The following AACS variants were observed in gnomAD, a reference collection of about 807,000 sequenced individuals.
AACS encodes acetoacetyl-CoA synthetase.
In AACS, 69 loss-of-function variants were observed where a neutral mutation model predicts 83.1. The ratio of observed to expected loss-of-function variants is 0.83; its 90% CI spans 0.68 to 1.01. The LOEUF (loss-of-function observed/expected upper bound fraction) is 1.01, where lower values mean the gene tolerates loss of function less well. Among genes scored for constraint, AACS ranks in the 50% least tolerant of loss-of-function variants. AACS has a pLI of 0.00. For missense variants in AACS, 866 were observed against 882.2 expected (o/e 0.98, Z 0.23); for synonymous variants, 333 against 343.4 (o/e 0.97, Z 0.33).
chr12:125,105,964 C>G (rs1315859859), intron 7 of AACS, among the ~76,000 whole-genome samples: 3 of 152,198 alleles, frequency 2.0e-5, no homozygotes, highest in Non-Finnish European at 4.4e-5. Context: ...TCCTGACATG[C>G]TGGAGCAGAC....
intron 3 of AACS, among the ~76,000 whole-genome samples, chr12:125,082,751 G>T (rs1956225083): frequency 6.6e-6 from 1 of 152,078 alleles, no homozygotes; most frequent in African/African-American, 2.4e-5. Context: ...AACCTGGGAG[G>T]CGGAGGTTGC....
In AACS at chr12:125,084,575, T is replaced by TA. The variant is rs1473440166; in HGVS notation, c.359-1752dup. ...TACACCACCACGCCTGGCTAGTTTTTAAATTTTTTTTTTTTTTTTCCAAGA... is the reference window on the plus strand; with the variant it reads ...TACACCACCACGCCTGGCTAGTTTTTAAAATTTTTTTTTTTTTTTTCCAAGA... On this transcript the variant is annotated intron_variant, in intron 3 of 17. Coordinates refer to ENST00000316519, the MANE Select transcript of AACS (RefSeq NM_023928.5). Among the ~76,000 whole-genome samples the TA allele has an allele frequency of 2.2e-5, 3 of 133,662 alleles. No individual in the cohort carries two copies. In the South Asian group the frequency reaches 7.5e-4, roughly 33 times the overall value. The allele number at this position is 133,662 out of a possible 152,430, so 87.7% of individuals were successfully genotyped here.
chr12:125,102,869 T>TC (rs1956745113), intron 6 of AACS, 76 bp downstream of exon 6: 1 of 1,463,616 alleles, frequency 6.8e-7, no homozygotes, highest in South Asian at 1.2e-5. Context: ...CAGGAGTCAA[T>TC]CTGGGTAGTC....
rs1957298729 is a variant in AACS, at chr12:125,129,506, C to T, written c.1549+46C>T. 2 of 1,597,064 alleles carry T rather than the reference C, an allele frequency of 1.3e-6. No individual in the cohort carries two copies. Among genetic ancestry groups the T allele is most frequent in the African/African-American group, 1.3e-5 (1 of 74,570 alleles). ...CAGAGCTGGCCAGCCTCTGCCTTGG[C>T]TGGGCCTTCTGTGTCTAATTCTGTA... On this transcript the variant is annotated intron_variant, in intron 14 of 17. Coordinates refer to ENST00000316519, the MANE Select transcript of AACS (RefSeq NM_023928.5). This position sits in a 1 kb window ranked among gnomAD's most constrained non-coding sequence, Gnocchi z 4.3.
chr12:125,124,296 A>AAATAAT (rs919548084), intron 10 of AACS: 2 of 165,638 alleles, frequency 1.2e-5, no homozygotes, highest in Non-Finnish European at 2.6e-5. Context: ...ACCCTGTCTA[A>AAATAAT]AATAATAATA....
Position 125,129,400 on chromosome 12 carries a change from C to T in AACS, c.1489C>T (p.His497Tyr), listed in dbSNP as rs775257310. The change falls in exon 14 of 18, where the codon CAC becomes TAC. Residue 497 changes from histidine to tyrosine, a missense_variant. Physicochemically the swap from His to Tyr is moderately conservative, Grantham distance 83 (BLOSUM62 2). Coordinates refer to ENST00000316519, the MANE Select transcript of AACS (RefSeq NM_023928.5). The surrounding 1 kb of genome is among the most constrained non-coding windows in gnomAD (Gnocchi z 4.3). ...CTKPIPCQPT[H>Y]FWNDENGNKY... is the part of the protein sequence containing the mutation. The stretch of plus-strand genomic sequence containing the variant: ...TAAGCCGATCCCTTGCCAGCCCACA[C>T]ACTTCTGGAACGATGAGAACGGCAA... The T allele has an allele frequency of 6.2e-7, 1 of 1,614,088 alleles. No individual in the cohort carries two copies. The highest frequency in any genetic ancestry group is 1.7e-5 in the Admixed American group (1 of 60,016).
At chr12:125,133,442 C>G (rs1258521805) in intron 14 of AACS, among the ~76,000 whole-genome samples, 1 of 152,234 alleles carries the variant, frequency 6.6e-6, no homozygotes, top group African/African-American at 2.4e-5. Flanking sequence ...TGGCTCTTTC[C>G]TCTTCCCCGT....
intron 12 of AACS, chr12:125,127,264 AAGG>A (rs1306417367): frequency 1.3e-5 from 2 of 152,200 alleles, no homozygotes; most frequent in African/African-American, 4.8e-5. Context: ...GAGCAGCAGG[AAGG>A]AGGTCAGGAG....
intron 4 of AACS, among the ~76,000 whole-genome samples, chr12:125,090,116 C>T (rs1235645685): frequency 2.6e-5 from 2 of 76,832 alleles, no homozygotes; most frequent in Non-Finnish European, 5.2e-5. Context: ...ATTGATCCAT[C>T]CATCTTCCAT....
chr12:125,090,136 A>C lies in AACS; in HGVS notation c.473-1290A>C, dbSNP rs1337066399. On this transcript the variant is annotated intron_variant, in intron 4 of 17. Coordinates refer to ENST00000316519, the MANE Select transcript of AACS (RefSeq NM_023928.5). ...TCCATCCATCTTCCATTTATCATCC[A>C]TCACCATCATCCATCCATCTATCCA... 2.9e-3 allele frequency among the ~76,000 whole-genome samples: 22 copies of C among 7,466 alleles called. 1 individual carries two copies. Among genetic ancestry groups the C allele is most frequent in the African/African-American group, 4.1e-3 (8 of 1,942 alleles). 4.9% of individuals were successfully genotyped at this position (7,466 alleles called of 152,430 possible).
intron 1 of AACS, among the ~76,000 whole-genome samples, chr12:125,072,164 T>G (rs1565920249): frequency 6.7e-6 from 1 of 150,162 alleles, no homozygotes; most frequent in Non-Finnish European, 1.5e-5. Flanking sequence ...GCGCTTTTTT[T>G]TTTTTTTTAA....
At chr12:125,111,878 A>G (rs1031448076) in intron 8 of AACS, among the ~76,000 whole-genome samples, 7 of 152,152 alleles carry the variant, frequency 4.6e-5, no homozygotes, top group Admixed American at 4.6e-4. Context: ...ACTTGTTAAG[A>G]GTCACACAGA....
chr12:125,132,913 G>A (rs1379910859), intron 14 of AACS, among the ~76,000 whole-genome samples: 2 of 152,242 alleles, frequency 1.3e-5, no homozygotes, highest in Non-Finnish European at 2.9e-5. Context: ...TTGCCACAGA[G>A]TGGAGAAGTG....
chr12:125,072,523 T>C (rs1391579019), intron 1 of AACS, among the ~76,000 whole-genome samples: 4 of 152,208 alleles, frequency 2.6e-5, no homozygotes, highest in East Asian at 3.8e-4. Context: ...CTTCCTGTTA[T>C]GTTATTATAT....
chr12:125,102,080 C>CA (rs200567705), intron 5 of AACS: 13,946 of 126,256 alleles, frequency 0.11, 803 homozygotes, highest in Admixed American at 0.13. Context: ...AAAAAAAAAA[C>CA]AAAAAAAAAA....
rs1240936992 is a variant in AACS at position 125,129,991 on chromosome 12, C to G, written c.1549+531C>G. The stretch of plus-strand genomic sequence containing the variant: ...TTGGGTGTCGTCTTTTGAGTGGTGC[C>G]TTGCCCCAAAGCAGGGAAGTCTTTT... On this transcript the variant is annotated intron_variant, in intron 14 of 17. Transcript: ENST00000316519. This position sits in a 1 kb window ranked among gnomAD's most constrained non-coding sequence, Gnocchi z 4.3. 6.6e-6 allele frequency among the ~76,000 whole-genome samples: 1 copy of G among 152,172 alleles called. No individual in the cohort carries two copies. Among genetic ancestry groups the G allele is most frequent in the Admixed American group, 6.5e-5 (1 of 15,280 alleles).
intron 16 of AACS, 142 bp from the exon 17 acceptor site, chr12:125,136,520 T>C (rs12580221): frequency 0.38 from 240,649 of 637,122 alleles, 47,528 homozygotes; most frequent in East Asian, 0.59. Context: ...GCCCTTCTCC[T>C]GGGTGGACTG....
At chr12:125,119,264 C>G (rs764354801) in intron 10 of AACS, among the ~76,000 whole-genome samples, 2 of 152,104 alleles carry the variant, frequency 1.3e-5, no homozygotes, top group Non-Finnish European at 2.9e-5. Context: ...TTGCATAGTA[C>G]GGCGTTGTCA....
rs529083576 is a variant in AACS, at chr12:125,094,755, G to A, written c.570+3232G>A. ...TTTTGGGCTCGAAGGGCATCGCCAG[G>A]TTGGGGAAGTGCTCTGTTCTAAGGG... On this transcript the variant is annotated intron_variant, in intron 5 of 17. Coordinates refer to ENST00000316519, the MANE Select transcript of AACS (RefSeq NM_023928.5). This position sits in a 1 kb window ranked among gnomAD's most constrained non-coding sequence, Gnocchi z 4.1. Among the ~76,000 whole-genome samples the A allele has an allele frequency of 1.6e-3, 237 of 152,342 alleles. 2 individuals are homozygous for A. The highest frequency in any genetic ancestry group is 5.6e-3 in the African/African-American group (231 of 41,574).
Sources: gnomAD v4.1 joint callset for allele counts (sites outside exome capture counted in the v4.1 genomes callset) on GRCh38, gnomAD v4.1.1 for gene constraint, Gnocchi (gnomAD v3.1) non-coding constraint, MANE v1.5 for transcripts, NCBI Gene and HGNC (gene_info 2026-07-23, HGNC 2026-07-21) for gene names.